GALNTL6: variants seen among roughly 807,000 people sequenced by gnomAD.
GALNTL6 encodes polypeptide N-acetylgalactosaminyltransferase-like 6.
GALNTL6 carries 46 observed loss-of-function variants against 73.7 expected under a neutral mutation model. The ratio of observed to expected loss-of-function variants is 0.62; its 90% confidence interval spans 0.49 to 0.80. The LOEUF (loss-of-function observed/expected upper bound fraction) is 0.80, where lower values mean the gene tolerates loss of function less well. GALNTL6 is among the 30% of genes least tolerant of loss of function. The pLI, the probability that GALNTL6 is intolerant of heterozygous loss-of-function variation, is 0.00. For missense variants in GALNTL6, 604 were observed against 755.0 expected, an observed-to-expected ratio of 0.80 and a Z score of 2.34; for synonymous variants, 259 against 263.7, an observed-to-expected ratio of 0.98 and a Z score of 0.17.
intron 12 of GALNTL6, among the ~76,000 whole-genome samples, chr4:173,023,693 TC>T (rs1753111440): frequency 6.6e-6 from 1 of 151,972 alleles, no homozygotes; most frequent in African/African-American, 2.4e-5. Flanking sequence ...AGTTGTTATA[TC>T]CTTCTACAAA....
At chr4:172,780,040 T>G (rs976244767) in intron 5 of GALNTL6, among the ~76,000 whole-genome samples, 1 of 152,082 alleles carries the variant, frequency 6.6e-6, no homozygotes, top group African/African-American at 2.4e-5. Flanking sequence ...AGGCATCACC[T>G]TAGGACAGCA....
chr4:172,001,136 G>T (rs995708977), intron 2 of GALNTL6, among the ~76,000 whole-genome samples: 1 of 152,092 alleles, frequency 6.6e-6, no homozygotes, highest in Non-Finnish European at 1.5e-5. Context: ...AAGAATCTTC[G>T]CAACAAAAGA....
intron 2 of GALNTL6, among the ~76,000 whole-genome samples, chr4:171,985,815 G>A (rs1579032795): frequency 6.6e-6 from 1 of 151,532 alleles, no homozygotes; most frequent in Non-Finnish European, 1.5e-5. Context: ...CGAGGTGGGT[G>A]GATCACAAGG....
At chr4:172,287,040 G>A (rs9312523) in intron 3 of GALNTL6, among the ~76,000 whole-genome samples, 66,384 of 152,068 alleles carry the variant, frequency 0.44, 17,243 homozygotes, top group African/African-American at 0.73. Flanking sequence ...CAGAATCATC[G>A]TTGAGGGTAT....
At chr4:172,904,747 G>GA (rs35571015) in intron 8 of GALNTL6, among the ~76,000 whole-genome samples, 17,006 of 151,260 alleles carry the variant, frequency 0.11, 2,438 homozygotes, top group African/African-American at 0.33. Context: ...CTCTTAAGCA[G>GA]AAAAAAAAAG....
intron 5 of GALNTL6, among the ~76,000 whole-genome samples, chr4:172,391,635 T>G (rs1230716187): frequency 6.6e-6 from 1 of 152,204 alleles, no homozygotes; most frequent in Non-Finnish European, 1.5e-5. Context: ...ATCTGAATTT[T>G]GGAGGGACAC....
At chr4:172,454,226 C>T (rs1463268267) in intron 5 of GALNTL6, among the ~76,000 whole-genome samples, 2 of 152,224 alleles carry the variant, frequency 1.3e-5, no homozygotes, top group African/African-American at 2.4e-5. Flanking sequence ...TTTTCCTCTA[C>T]ATTTGCTCAT....
chr4:172,540,597 T>C (rs912895213), intron 5 of GALNTL6, among the ~76,000 whole-genome samples: 1 of 152,176 alleles, frequency 6.6e-6, no homozygotes, highest in African/African-American at 2.4e-5. Flanking sequence ...TGGTTTTATA[T>C]ATTTTAGGGA....
chr4:172,771,652 C>T (rs890352529), intron 5 of GALNTL6, among the ~76,000 whole-genome samples: 9 of 152,082 alleles, frequency 5.9e-5, no homozygotes, highest in Non-Finnish European at 1.0e-4. Context: ...TGGCCATGTT[C>T]GTCAAAGAAT....
intron 2 of GALNTL6, among the ~76,000 whole-genome samples, chr4:172,045,033 T>C (rs1484437625): frequency 6.6e-6 from 1 of 152,126 alleles, no homozygotes; most frequent in Non-Finnish European, 1.5e-5. Context: ...TAAATGTGGC[T>C]ATTTTATTCT....
chr4:172,695,577 T>C (rs1169450925), intron 5 of GALNTL6, among the ~76,000 whole-genome samples: 1 of 152,244 alleles, frequency 6.6e-6, no homozygotes, highest in East Asian at 1.9e-4. Flanking sequence ...TCCCTGAGAT[T>C]TCTCTCATTT....
In GALNTL6 at chr4:171,820,439, C is replaced by A. The variant is rs1734649430; in HGVS notation, c.138+5721C>A. 2.0e-5 allele frequency among the ~76,000 whole-genome samples: 3 copies of A among 152,170 alleles called. No homozygotes were observed. In the South Asian group the frequency reaches 6.2e-4, roughly 31 times the overall value. On this transcript the variant is annotated intron_variant, in intron 2 of 12. Coordinates refer to ENST00000506823, the MANE Select transcript of GALNTL6 (RefSeq NM_001034845.3). ...GTATTCATTTTATTAATTCATTTAG[C>A]AACAGACATACACAGGTACATATAC... is the stretch of plus-strand genomic sequence containing the variant.
chr4:172,464,667 AC>A (rs1732741887), intron 5 of GALNTL6, among the ~76,000 whole-genome samples: 1 of 152,026 alleles, frequency 6.6e-6, no homozygotes, highest in Non-Finnish European at 1.5e-5. Context: ...AGATCGCACC[AC>A]TGCACTCCAG....
Position 172,530,899 on chromosome 4 carries a change from A to G in GALNTL6, c.553+182210A>G, listed in dbSNP as rs1184672297. On this transcript the variant is annotated intron_variant, in intron 5 of 12. Coordinates refer to ENST00000506823, the MANE Select transcript of GALNTL6 (RefSeq NM_001034845.3). ...TACAGAATTATTCTGATTGTAAACA[A>G]TGTTCACAGACAGTCTAGACGTCTA... Among the ~76,000 whole-genome samples, 11 of 147,840 alleles carry G rather than the reference A, an allele frequency of 7.4e-5. No homozygotes were observed. In the Admixed American group the frequency reaches 7.5e-4, roughly 10 times the overall value.
At chr4:172,731,181 C>A (rs1736129903) in intron 5 of GALNTL6, among the ~76,000 whole-genome samples, 1 of 151,618 alleles carries the variant, frequency 6.6e-6, no homozygotes, top group South Asian at 2.1e-4. Flanking sequence ...AGATTCTGGG[C>A]TTTTATTTGA....
At chr4:172,750,046 T>G (rs1737339296) in intron 5 of GALNTL6, among the ~76,000 whole-genome samples, 2 of 152,240 alleles carry the variant, frequency 1.3e-5, no homozygotes, top group Admixed American at 6.5e-5. Context: ...CCCTGATTCT[T>G]GTGCATTTTG....
intron 2 of GALNTL6, among the ~76,000 whole-genome samples, chr4:172,227,683 A>G (rs1403052544): frequency 6.6e-6 from 1 of 152,178 alleles, no homozygotes; most frequent in Non-Finnish European, 1.5e-5. Context: ...GAGTTCTAGT[A>G]TCTTCTTTCC....
chr4:172,183,042 G>T (rs1413834719), intron 2 of GALNTL6, among the ~76,000 whole-genome samples: 1 of 152,134 alleles, frequency 6.6e-6, no homozygotes, highest in Admixed American at 6.5e-5. Context: ...AACCTGATTT[G>T]CTGTACAACC....
chr4:172,594,599 A>C (rs1186463248), intron 5 of GALNTL6, among the ~76,000 whole-genome samples: 2 of 152,202 alleles, frequency 1.3e-5, no homozygotes, highest in Non-Finnish European at 1.5e-5. Flanking sequence ...TACTCTCGAC[A>C]TAAGTTCCAG....
Sources: gnomAD v4.1 joint callset for allele counts (sites outside exome capture counted in the v4.1 genomes callset) on GRCh38, gnomAD v4.1.1 for gene constraint, MANE v1.5 for transcripts, NCBI Gene and HGNC (gene_info 2026-07-23, HGNC 2026-07-21) for gene names.